EPHA4: variants seen among roughly 807,000 people sequenced by gnomAD.
The protein encoded by EPHA4 is EPH receptor A4.
A neutral mutation model predicts 108.3 loss-of-function variants in EPHA4; 19 were observed. The ratio of observed to expected loss-of-function variants is 0.18; its 90% confidence interval spans 0.12 to 0.26. The LOEUF is 0.26. Ranked by LOEUF, EPHA4 falls within the 10% of genes least tolerant of loss-of-function variation. EPHA4 has a pLI of 1.00. For synonymous variants in EPHA4, 449 were observed against 455.5 expected (o/e 0.99, Z 0.18); for missense variants, 917 against 1,254.0 (o/e 0.73, Z 4.06).
chr2:221,541,498 C>T (rs1693838454), intron 3 of EPHA4, among the ~76,000 whole-genome samples: 1 of 152,102 alleles, frequency 6.6e-6, no homozygotes, highest in Non-Finnish European at 1.5e-5. Context: ...CCGAAGGTGC[C>T]AGTCCTAATG....
intron 3 of EPHA4, among the ~76,000 whole-genome samples, chr2:221,550,526 A>G (rs1574653592): frequency 3.3e-5 from 5 of 152,040 alleles, no homozygotes; most frequent in Non-Finnish European, 7.4e-5. Flanking sequence ...CACTTACTGA[A>G]CACTTAATAG....
upstream of EPHA4, chr2:221,572,364 G>A (rs962662510): frequency 3.0e-5 from 26 of 877,200 alleles, no homozygotes; most frequent in African/African-American, 6.7e-5. Context: ...CCGGTGACGT[G>A]AGCCCGCCAG....
chr2:221,573,426 A>G (rs1694908826), upstream of EPHA4: 1 of 152,026 alleles, frequency 6.6e-6, no homozygotes, highest in African/African-American at 2.4e-5. The surrounding 1 kb of genome is among the most constrained non-coding windows in gnomAD (Gnocchi z 4.5). Context: ...GGACGCGGCC[A>G]CCTAAGAGCG....
Position 221,436,471 on chromosome 2 carries a change from C to G in EPHA4, c.2274G>C (p.Leu758Phe). The change falls in exon 13 of 18, where the codon TTG (leucine) becomes TTC (phenylalanine). Residue 758 changes from leucine to phenylalanine, a missense_variant. By Grantham distance (22) the Leu-to-Phe change is conservative. Around this residue, in one of 3 missense-constraint regions of EPHA4, gnomAD observed 758 missense variants for 1,076.7 expected, o/e 0.70. Transcript: ENST00000281821. ...AARNILVNSNLVCKVSDFGMS... is the reference protein window; with the variant it reads ...AARNILVNSNFVCKVSDFGMS... ...TGCCAAAATCAGACACTTTGCAGAC[C>G]AAGTTGCTGTTCACCAGGATGTTCC... The G allele has an allele frequency of 1.2e-6, 2 of 1,614,150 alleles. No homozygotes were observed. Among genetic ancestry groups the G allele is most frequent in the Non-Finnish European group, 1.7e-6 (2 of 1,180,032 alleles).
intron 11 of EPHA4, among the ~76,000 whole-genome samples, chr2:221,439,249 A>C (rs1249569260): frequency 6.6e-6 from 1 of 151,916 alleles, no homozygotes; most frequent in Non-Finnish European, 1.5e-5. Flanking sequence ...GTGTGTCTGC[A>C]CATTCTCTAT....
intron 4 of EPHA4, among the ~76,000 whole-genome samples, chr2:221,499,381 C>T (rs1692402312): frequency 6.6e-6 from 1 of 150,744 alleles, no homozygotes. Context: ...AAAGATTATA[C>T]CTACCTAACA....
At chr2:221,550,138 G>A (rs1694115624) in intron 3 of EPHA4, among the ~76,000 whole-genome samples, 1 of 152,170 alleles carries the variant, frequency 6.6e-6, no homozygotes, top group Admixed American at 6.5e-5. Context: ...CGCTGGGCTG[G>A]AAAATCTACA....
At chr2:221,449,332 G>A (rs1690698974) in intron 8 of EPHA4, among the ~76,000 whole-genome samples, 1 of 152,224 alleles carries the variant, frequency 6.6e-6, no homozygotes, top group South Asian at 2.1e-4. Flanking sequence ...CAGCCAGCCT[G>A]CAGGAAGCCA....
At chr2:221,426,357 T>G in intron 16 of EPHA4, 107 bp downstream of exon 16, 1 of 1,345,470 alleles carries the variant, frequency 7.4e-7, no homozygotes, top group Non-Finnish European at 1.0e-6. Flanking sequence ...TGAGAGGCAT[T>G]CCAGATTTTT....
Position 221,464,596 on chromosome 2 carries a change from A to T in EPHA4, c.1319-6606T>A, listed in dbSNP as rs1007365560. 1.3e-4 allele frequency among the ~76,000 whole-genome samples: 20 copies of T among 152,166 alleles called. No individual in the cohort carries two copies. The East Asian group carries it at 3.9e-3, about 29-fold the overall frequency. The stretch of plus-strand genomic sequence containing the variant: ...ATACGTCCTTTTTCTTACTATCATC[A>T]TTACAGTATTTTATAGTACAAGAGT... On this transcript the variant is annotated intron_variant, in intron 5 of 17. Coordinates refer to ENST00000281821, the MANE Select transcript of EPHA4 (RefSeq NM_004438.5).
chr2:221,518,355 C>T (rs1291185915), intron 3 of EPHA4, among the ~76,000 whole-genome samples: 2 of 152,168 alleles, frequency 1.3e-5, no homozygotes, highest in African/African-American at 4.8e-5. Flanking sequence ...TTTACCCGCT[C>T]CTGCTGCACA....
At chr2:221,473,920 G>A (rs780845601) in intron 5 of EPHA4, among the ~76,000 whole-genome samples, 14 of 152,124 alleles carry the variant, frequency 9.2e-5, no homozygotes, top group Admixed American at 1.3e-4. Flanking sequence ...AGTGATTACT[G>A]GTGAATGAAT....
At chr2:221,437,537 A>C (rs756305610) in intron 11 of EPHA4, 9 of 155,972 alleles carry the variant, frequency 5.8e-5, no homozygotes, top group Non-Finnish European at 1.1e-4. Context: ...TCAATAGGCA[A>C]TAAACTTCTT....
intron 3 of EPHA4, among the ~76,000 whole-genome samples, chr2:221,538,410 C>G (rs1027085749): frequency 1.3e-5 from 2 of 152,162 alleles, no homozygotes; most frequent in Non-Finnish European, 2.9e-5. Flanking sequence ...TGTAATGTCA[C>G]TTTTCTGGAA....
chr2:221,504,312 A>C (rs954379484), intron 3 of EPHA4, among the ~76,000 whole-genome samples: 8 of 151,952 alleles, frequency 5.3e-5, no homozygotes, highest in Non-Finnish European at 1.2e-4. Context: ...TGCTTTAATT[A>C]TCTCTTTCTG....
intron 7 of EPHA4, among the ~76,000 whole-genome samples, 188 bp from the exon 8 acceptor site, chr2:221,455,846 C>T (rs1690930967): frequency 6.6e-6 from 1 of 151,992 alleles, no homozygotes; most frequent in African/African-American, 2.4e-5. Context: ...CCTATTTTTG[C>T]CTAGTTCAAA....
At chr2:221,478,171 C>A (rs1691715210) in intron 5 of EPHA4, among the ~76,000 whole-genome samples, 1 of 152,028 alleles carries the variant, frequency 6.6e-6, no homozygotes, top group South Asian at 2.1e-4. Flanking sequence ...CGGCAAAAAA[C>A]CGTTCAGAGA....
chr2:221,562,864 G>A (rs1694511372), intron 3 of EPHA4, among the ~76,000 whole-genome samples: 1 of 151,978 alleles, frequency 6.6e-6, no homozygotes, highest in African/African-American at 2.4e-5. Context: ...CCAGTATTCT[G>A]ACAGGAAGGG....
rs541758839 is a variant in EPHA4 at position 221,531,867 on chromosome 2, G to A, written c.824-30695C>T. On this transcript the variant is annotated intron_variant, in intron 3 of 17. Transcript: ENST00000281821. Reference sequence around the variant, plus strand: ...GGCCATGATTTTTTTCTCAGAGAACGTGAGAGTCTTTAAAGACAAATATTT... The same window carrying A: ...GGCCATGATTTTTTTCTCAGAGAACATGAGAGTCTTTAAAGACAAATATTT... Among the ~76,000 whole-genome samples the A allele has an allele frequency of 2.6e-5, 4 of 152,202 alleles. No individual in the cohort carries two copies. The South Asian group carries it at 6.2e-4, about 24-fold the overall frequency.
Sources: allele counts gnomAD v4.1 joint callset (sites outside exome capture counted in the v4.1 genomes callset), GRCh38; gene constraint gnomAD v4.1.1; regional missense constraint gnomAD v4.1.1; non-coding constraint Gnocchi (gnomAD v3.1); transcripts MANE v1.5; gene names NCBI Gene and HGNC (gene_info 2026-07-23, HGNC 2026-07-21).